The following COG5 variants were observed in gnomAD, a reference collection of about 807,000 sequenced individuals.
COG5 encodes the protein conserved oligomeric Golgi complex subunit 5.
In COG5, 86 loss-of-function variants were observed where a neutral mutation model predicts 110.4. The ratio of observed to expected loss-of-function variants is 0.78; its 90% confidence interval spans 0.65 to 0.93. The LOEUF is 0.93. Ranked by LOEUF, COG5 falls within the 40% of genes least tolerant of loss-of-function variation. The pLI, the probability that COG5 is intolerant of heterozygous loss-of-function variation, is 0.00. For synonymous variants in COG5, 360 were observed against 334.6 expected, an observed-to-expected ratio of 1.08 and a Z score of -0.83; for missense variants, 1,077 against 987.0, an observed-to-expected ratio of 1.09 and a Z score of -1.22.
chr7:107,243,588 C>A (rs554579392), intron 17 of COG5, among the ~76,000 whole-genome samples: 1 of 151,278 alleles, frequency 6.6e-6, no homozygotes, highest in African/African-American at 2.4e-5. Context: ...TTCAGCACTC[C>A]AATGACAGTA....
chr7:107,544,171 C>T (rs1414941421), intron 5 of COG5, among the ~76,000 whole-genome samples: 1 of 152,126 alleles, frequency 6.6e-6, no homozygotes, highest in South Asian at 2.1e-4. Context: ...CAGGCTAACC[C>T]TGGTAAACCC....
chr7:107,355,515 G>A (rs946545913), intron 10 of COG5, among the ~76,000 whole-genome samples: 3 of 152,134 alleles, frequency 2.0e-5, no homozygotes, highest in African/African-American at 4.8e-5. Flanking sequence ...AAAACTGGAC[G>A]CAACCAAAAT....
intron 6 of COG5, among the ~76,000 whole-genome samples, chr7:107,437,326 A>G (rs1408759317): frequency 3.3e-5 from 5 of 152,112 alleles, no homozygotes; most frequent in African/African-American, 1.2e-4. Flanking sequence ...GTATTAATCT[A>G]TTATGTTAGT....
At chr7:107,371,963 C>T (rs1296403613) in intron 8 of COG5, among the ~76,000 whole-genome samples, 2 of 152,148 alleles carry the variant, frequency 1.3e-5, no homozygotes, top group East Asian at 1.9e-4. Flanking sequence ...TGGACATAAT[C>T]TGTGGTCTTT....
At position 107,270,882 on chromosome 7, in the gene COG5, C is replaced by CTTTTTTTTTTTT. The variant is rs56971368; in HGVS notation, c.1575+10406_1575+10417dup. Among the ~76,000 whole-genome samples the CTTTTTTTTTTTT allele has an allele frequency of 1.6e-3, 113 of 68,750 alleles. 20 individuals carry two copies. The highest frequency in any genetic ancestry group is 2.4e-3 in the African/African-American group (36 of 14,948). 45.1% of individuals were successfully genotyped at this position (68,750 alleles called of 152,430 possible). A position where few individuals can be genotyped will look rare whatever the true frequency, so the allele number is the denominator to read the frequency against. On this transcript the variant is annotated intron_variant, in intron 14 of 21. Transcript: ENST00000297135. Reference sequence around the variant, plus strand: ...TTATACTTCATTATCCTAACTAGAACTTTTTTTTTTTTTTTTTTTTTTTTT... The same window carrying CTTTTTTTTTTTT: ...TTATACTTCATTATCCTAACTAGAACTTTTTTTTTTTTTTTTTTTTTTTTTTTTTTTTTTTTT...
chr7:107,404,980 T>A (rs1459342743), intron 7 of COG5, among the ~76,000 whole-genome samples: 1 of 151,492 alleles, frequency 6.6e-6, no homozygotes, highest in South Asian at 2.1e-4. Context: ...AATGGAGACT[T>A]CCTAAAAAAA....
chr7:107,351,081 G>C (rs1268269242), intron 10 of COG5, among the ~76,000 whole-genome samples: 1 of 152,134 alleles, frequency 6.6e-6, no homozygotes, highest in Non-Finnish European at 1.5e-5. Context: ...CCCTATACAA[G>C]TAAAACAAGA....
At chr7:107,214,920 C>CA (rs1286533575) in intron 19 of COG5, among the ~76,000 whole-genome samples, 1,945 of 80,296 alleles carry the variant, frequency 0.024, 18 homozygotes, top group African/African-American at 0.057. Context: ...GACTCTGTCT[C>CA]AAAAAAAAAA....
intron 14 of COG5, among the ~76,000 whole-genome samples, chr7:107,273,034 G>A (rs993606768): frequency 3.3e-5 from 5 of 152,128 alleles, no homozygotes; most frequent in Non-Finnish European, 4.4e-5. Flanking sequence ...TGCCTAATAC[G>A]TGTGTTCGGG....
intron 12 of COG5, among the ~76,000 whole-genome samples, chr7:107,289,408 T>TG (rs1365200926): frequency 6.6e-6 from 1 of 152,148 alleles, no homozygotes; most frequent in Non-Finnish European, 1.5e-5. Context: ...AAAATTGCTT[T>TG]GTAGTGACTT....
rs1424119967 is a variant in COG5, at chr7:107,258,270, T to C, written c.1686+3A>G. The C allele has an allele frequency of 6.4e-7, 1 of 1,555,618 alleles. No individual in the cohort carries two copies. The highest frequency in any genetic ancestry group is 8.9e-7 in the Non-Finnish European group (1 of 1,127,432). On this transcript the variant is annotated splice_donor_region_variant and intron_variant, in intron 15 of 21. Coordinates refer to ENST00000297135, the MANE Select transcript of COG5 (RefSeq NM_006348.5). ...GTAAAAAAAAACTTAATAAAATAGT[T>C]ACCTTTGTTACTGATTGGTGCAACT...
At chr7:107,286,867 C>T (rs1031502146) in intron 12 of COG5, among the ~76,000 whole-genome samples, 10 of 151,854 alleles carry the variant, frequency 6.6e-5, no homozygotes, top group African/African-American at 2.4e-4. Context: ...CAGATCTGAT[C>T]GCTATACATG....
chr7:107,441,843 T>C (rs1794723611), intron 6 of COG5, among the ~76,000 whole-genome samples: 1 of 152,226 alleles, frequency 6.6e-6, no homozygotes, highest in Non-Finnish European at 1.5e-5. Context: ...TTAAATTCTA[T>C]CAATCAGGGA....
chr7:107,340,218 A>G (rs953284465), intron 10 of COG5, among the ~76,000 whole-genome samples: 9 of 152,188 alleles, frequency 5.9e-5, no homozygotes, highest in Non-Finnish European at 1.0e-4. Flanking sequence ...CAGAAATACA[A>G]AAGCTCCTCA....
chr7:107,496,518 G>C (rs901519714), intron 6 of COG5, among the ~76,000 whole-genome samples: 1 of 151,936 alleles, frequency 6.6e-6, no homozygotes, highest in Admixed American at 6.6e-5. Flanking sequence ...AAATTAGCTG[G>C]GTTTGATGGT....
At chr7:107,457,674 C>A (rs1042393681) in intron 6 of COG5, among the ~76,000 whole-genome samples, 2 of 152,156 alleles carry the variant, frequency 1.3e-5, no homozygotes, top group Non-Finnish European at 2.9e-5. Flanking sequence ...CGTGATCCCC[C>A]CCGCCTCAGC....
At chr7:107,551,614 T>G (rs1158462795) in intron 3 of COG5, among the ~76,000 whole-genome samples, 2 of 152,082 alleles carry the variant, frequency 1.3e-5, no homozygotes, top group East Asian at 1.9e-4. Context: ...ATTTAAAGTT[T>G]TTTATTTATT....
chr7:107,294,950 CATATATATATACACACAT>C (rs1335875045), intron 12 of COG5, among the ~76,000 whole-genome samples: 1 of 84,894 alleles, frequency 1.2e-5, no homozygotes, highest in Non-Finnish European at 2.8e-5. Context: ...CACACACACA[CATATATATATACACACAT>C]ATATATATAC....
chr7:107,500,059 A>G (rs971580548), intron 6 of COG5, among the ~76,000 whole-genome samples: 3 of 152,168 alleles, frequency 2.0e-5, no homozygotes, highest in East Asian at 1.9e-4. Context: ...AGAGCACTCA[A>G]CCAAACTGAG....
Sources: allele counts gnomAD v4.1 joint callset (sites outside exome capture counted in the v4.1 genomes callset), GRCh38; gene constraint gnomAD v4.1.1; transcripts MANE v1.5; gene names NCBI Gene and HGNC (gene_info 2026-07-23, HGNC 2026-07-21).